Variants in ITIH4 observed in about 807,000 individuals in gnomAD.
ITIH4 encodes inter-alpha-trypsin inhibitor heavy chain H4.
In ITIH4, 79 loss-of-function variants were observed where a neutral mutation model predicts 111.8. The observed-to-expected ratio is 0.71, with a 90% CI of 0.59 to 0.85. The LOEUF (loss-of-function observed/expected upper bound fraction) is 0.85, where lower values mean the gene tolerates loss of function less well. ITIH4 is among the 40% of genes least tolerant of loss of function. The pLI, the probability that ITIH4 is intolerant of heterozygous loss-of-function variation, is 0.00. For missense variants in ITIH4, 1,065 were observed against 1,195.8 expected, an observed-to-expected ratio of 0.89 and a Z score of 1.61; for synonymous variants, 472 against 468.3, an observed-to-expected ratio of 1.01 and a Z score of -0.10.
At chr3:52,821,756 C>T (rs951161279) in intron 11 of ITIH4, among the ~76,000 whole-genome samples, 1 of 152,208 alleles carries the variant, frequency 6.6e-6, no homozygotes, top group Non-Finnish European at 1.5e-5. Context: ...TCAGACTGAC[C>T]TAGCTCGCTG....
rs745644120 is a variant in ITIH4, at chr3:52,824,181, G to T, written c.1171+9C>A. The T allele has an allele frequency of 2.3e-5, 37 of 1,612,556 alleles. No homozygotes were observed. Among genetic ancestry groups the T allele is most frequent in the Non-Finnish European group, 4.2e-6 (5 of 1,179,636 alleles). On this transcript the variant is annotated intron_variant, in intron 9 of 23. Coordinates refer to ENST00000266041, the MANE Select transcript of ITIH4 (RefSeq NM_002218.5). The surrounding 1 kb of genome is among the most constrained non-coding windows in gnomAD (Gnocchi z 4.3). ...CAGCACGTCCTGGAGTCACGGGCAG[G>T]GCCCTCACCCACAGTGGGGTCGCCA...
Position 52,829,135 on chromosome 3 carries a change from T to C in ITIH4, c.235A>G (p.Ile79Val). Residue 79 changes from isoleucine (I) to valine (V), a missense_variant, in exon 2 of 24, where the codon ATC becomes GTC. Transcript: ENST00000266041. ...GGCACCTACATGGAGAAGTTGGTGA[T>C]GAAGGCTTTCTTGGGCAGCTCCATC... The part of the protein sequence containing the change: ...FQMELPKKAF[I>V]TNFSMIIDGM... 6.2e-7 allele frequency: 1 copy of C among 1,609,316 alleles called. No homozygotes were observed. Among genetic ancestry groups the C allele is most frequent in the Non-Finnish European group, 8.5e-7 (1 of 1,176,162 alleles).
At chr3:52,820,244 T>C in intron 14 of ITIH4, 47 bp downstream of exon 14, 1 of 1,613,336 alleles carries the variant, frequency 6.2e-7, no homozygotes, top group South Asian at 1.1e-5. Flanking sequence ...GACCCTGTGT[T>C]AGCAGACCAC....
In ITIH4 at chr3:52,813,539, TG is replaced by T. The variant is rs764737158; in HGVS notation, c.2724-50del. ...AGGCAGGTGGTCAGCAAATCTCAGG[TG>T]TGGTGCGAAAAGAGGGAGACAGCTG... On this transcript the variant is annotated intron_variant, in intron 23 of 23. Coordinates refer to ENST00000266041, the MANE Select transcript of ITIH4 (RefSeq NM_002218.5). 4.5e-6 allele frequency: 7 copies of T among 1,541,490 alleles called. No homozygotes were observed. In the East Asian group the frequency reaches 1.6e-4, roughly 35 times the overall value.
At chr3:52,816,244 A>C (rs1375862166) in intron 21 of ITIH4, among the ~76,000 whole-genome samples, 1 of 152,198 alleles carries the variant, frequency 6.6e-6, no homozygotes, top group Non-Finnish European at 1.5e-5. Context: ...CTGGAAGGCC[A>C]CTGTGAAGCA....
intron 14 of ITIH4, 89 bp from the exon 15 acceptor site, chr3:52,820,079 C>G: frequency 6.9e-7 from 1 of 1,444,532 alleles, no homozygotes; most frequent in Non-Finnish European, 9.7e-7. Flanking sequence ...GTGCTGGGGA[C>G]AGGGCCTGAG....
At position 52,814,306 on chromosome 3, in the gene ITIH4, C is replaced by A; in HGVS notation, c.2529G>T (p.Val843=). 6.2e-7 allele frequency: 1 copy of A among 1,614,082 alleles called. No homozygotes were observed. The highest frequency in any genetic ancestry group is 8.5e-7 in the Non-Finnish European group (1 of 1,180,014). Residue 843 remains valine (V), a synonymous_variant, in exon 22 of 24, where the codon GTG becomes GTT. Coordinates refer to ENST00000266041, the MANE Select transcript of ITIH4 (RefSeq NM_002218.5). ...GLLLLSDPDK[V]TIGLLFWDGR... The stretch of plus-strand genomic sequence containing the variant: ...CATCCCAGAACAACAGGCCGATGGT[C>A]ACTTTGTCTGGGTCACTGAGCAGCA...
intron 11 of ITIH4, among the ~76,000 whole-genome samples, chr3:52,822,948 GA>G (rs1700411052): frequency 6.6e-6 from 1 of 152,140 alleles, no homozygotes; most frequent in African/African-American, 2.4e-5. Flanking sequence ...TCCAGGGTTA[GA>G]TCCCAGCCTG....
chr3:52,819,285 C>T, intron 17 of ITIH4, 108 bp downstream of exon 17: 1 of 1,307,082 alleles, frequency 7.7e-7, no homozygotes, highest in South Asian at 1.3e-5. Flanking sequence ...CAGCAGCCGT[C>T]CCTGGCCTGG....
chr3:52,828,697 C>T (rs1262468203), intron 2 of ITIH4, among the ~76,000 whole-genome samples: 1 of 152,148 alleles, frequency 6.6e-6, no homozygotes. Context: ...CCAGCTGGGG[C>T]AGACCTAGGA....
Position 52,813,446 on chromosome 3 carries a change from A to G in ITIH4, c.2768T>C (p.Ile923Thr). Residue 923 changes from isoleucine to threonine, a missense_variant, in exon 24 of 24, where the codon ATT becomes ACT. By Grantham distance (89) the Ile-to-Thr change is moderately conservative. Coordinates refer to ENST00000266041, the MANE Select transcript of ITIH4 (RefSeq NM_002218.5). Reference protein sequence around the residue: ...DYQEGPPGVEISCWSVEL With the variant: ...DYQEGPPGVETSCWSVEL ...CTACAGCTCCACAGACCAGCAGGAAATCTCCACTCCCGGGGGCCCCTCCTG... is the reference window on the plus strand; with the variant it reads ...CTACAGCTCCACAGACCAGCAGGAAGTCTCCACTCCCGGGGGCCCCTCCTG... 6.2e-7 allele frequency: 1 copy of G among 1,614,050 alleles called. No homozygotes were observed. The highest frequency in any genetic ancestry group is 8.5e-7 in the Non-Finnish European group (1 of 1,180,006).
Position 52,819,624 on chromosome 3 carries a change from C to T in ITIH4, c.1952-106G>A, listed in dbSNP as rs1008154347. The T allele has an allele frequency of 3.2e-6, 5 of 1,569,510 alleles. No individual in the cohort carries two copies. In the East Asian group the frequency reaches 1.1e-4, roughly 35 times the overall value. On this transcript the variant is annotated intron_variant, in intron 16 of 23. Transcript: ENST00000266041. The stretch of plus-strand genomic sequence containing the variant: ...GTGGGTGCGGAGAGGGCAGCTATGT[C>T]CCCTCTCCCCACACCCGGCCAACTT...
At chr3:52,816,815 C>A in intron 21 of ITIH4, 69 bp downstream of exon 21, 1 of 1,481,084 alleles carries the variant, frequency 6.8e-7, no homozygotes, top group Non-Finnish European at 9.3e-7. Context: ...AGGCCACCTG[C>A]TGGTACCATC....
At chr3:52,821,904 G>A (rs1184041706) in intron 11 of ITIH4, among the ~76,000 whole-genome samples, 1 of 152,196 alleles carries the variant, frequency 6.6e-6, no homozygotes, top group African/African-American at 2.4e-5. Context: ...CTCGCCCAGA[G>A]CCTGGCTGGC....
chr3:52,813,553 A>T, intron 23 of ITIH4, 63 bp from the exon 24 acceptor site: 1 of 1,434,450 alleles, frequency 7.0e-7, no homozygotes, highest in Non-Finnish European at 9.8e-7. Context: ...GTGCGAAAAG[A>T]GGGAGACAGC....
intron 11 of ITIH4, chr3:52,822,326 G>A (rs577818483): frequency 1.3e-5 from 2 of 152,170 alleles, no homozygotes; most frequent in African/African-American, 4.8e-5. Flanking sequence ...CTGGGAGACA[G>A]AGCGAGACTC....
intron 11 of ITIH4, 23 bp from the exon 12 acceptor site, chr3:52,821,153 G>C: frequency 1.2e-6 from 2 of 1,607,796 alleles, no homozygotes; most frequent in Non-Finnish European, 1.7e-6. Flanking sequence ...GCCCAGCCAG[G>C]GCAGGAGCAG....
chr3:52,830,454 G>A (rs772809608), intron 1 of ITIH4, 99 bp downstream of exon 1: 34 of 1,142,196 alleles, frequency 3.0e-5, no homozygotes, highest in Middle Eastern at 3.9e-4. Context: ...GGATGCACAC[G>A]CACTTGTGCT....
At chr3:52,829,855 G>A (rs1700540316) in intron 1 of ITIH4, 1 of 164,614 alleles carries the variant, frequency 6.1e-6, no homozygotes, top group African/African-American at 2.4e-5. Context: ...CTTCCTCTCT[G>A]CTCCGCAGTG....
Sources: allele counts gnomAD v4.1 joint callset (sites outside exome capture counted in the v4.1 genomes callset), GRCh38; gene constraint gnomAD v4.1.1; non-coding constraint Gnocchi (gnomAD v3.1); transcripts MANE v1.5; gene names NCBI Gene and HGNC (gene_info 2026-07-23, HGNC 2026-07-21).